CTNND2: variants seen among roughly 807,000 people sequenced by gnomAD.
CTNND2 encodes catenin delta-2.
In CTNND2, 22 loss-of-function variants were observed where a neutral mutation model predicts 144.4. That is an observed-to-expected ratio of 0.15 (90% CI 0.11 to 0.22). The LOEUF is 0.22. CTNND2 is among the 10% of genes least tolerant of loss of function. The probability of loss-of-function intolerance (pLI) is 1.00; values close to 1 mark genes in which losing one functional copy is unlikely to be tolerated. For missense variants in CTNND2, 1,353 were observed against 1,618.8 expected (o/e 0.84, Z 2.82); for synonymous variants, 751 against 695.6 (o/e 1.08, Z -1.25).
At chr5:11,649,047 T>C (rs1032448127) in intron 2 of CTNND2, among the ~76,000 whole-genome samples, 3 of 152,248 alleles carry the variant, frequency 2.0e-5, no homozygotes, top group Admixed American at 2.0e-4. Flanking sequence ...ATTCCTATAG[T>C]AAAATTCTTT....
At chr5:11,639,133 T>A (rs1256436688) in intron 2 of CTNND2, among the ~76,000 whole-genome samples, 1 of 152,092 alleles carries the variant, frequency 6.6e-6, no homozygotes, top group Non-Finnish European at 1.5e-5. Flanking sequence ...ACAATGGGGA[T>A]GAGAAGGTGC....
intron 2 of CTNND2, among the ~76,000 whole-genome samples, chr5:11,676,892 T>C (rs1443268519): frequency 1.3e-5 from 2 of 152,240 alleles, no homozygotes; most frequent in South Asian, 2.1e-4. Context: ...TAAATTAATA[T>C]ATTACCATTC....
chr5:11,536,595 G>A (rs532788083), intron 3 of CTNND2, among the ~76,000 whole-genome samples: 1 of 152,298 alleles, frequency 6.6e-6, no homozygotes, highest in East Asian at 1.9e-4. Context: ...TGGTATTGGA[G>A]ATTATTATTC....
chr5:11,552,057 C>G (rs1423669353), intron 3 of CTNND2, among the ~76,000 whole-genome samples: 1 of 152,184 alleles, frequency 6.6e-6, no homozygotes, highest in Non-Finnish European at 1.5e-5. Context: ...CCTGAGCCAC[C>G]TTGCCCTGCT....
chr5:11,452,860 C>T (rs61760270), intron 3 of CTNND2, among the ~76,000 whole-genome samples: 3 of 152,146 alleles, frequency 2.0e-5, no homozygotes, highest in African/African-American at 7.2e-5. Context: ...CATAGGTTTG[C>T]GATCTATCCT....
intron 2 of CTNND2, among the ~76,000 whole-genome samples, chr5:11,619,299 T>C (rs1276107981): frequency 3.3e-5 from 5 of 152,034 alleles, no homozygotes; most frequent in African/African-American, 1.2e-4. Flanking sequence ...TCCCAGCTAC[T>C]CCGGAGGCTG....
At chr5:11,417,915 A>C (rs1042543141) in intron 3 of CTNND2, among the ~76,000 whole-genome samples, 6 of 152,194 alleles carry the variant, frequency 3.9e-5, no homozygotes, top group African/African-American at 1.4e-4. Flanking sequence ...TAATAGAAAA[A>C]TAAACAAATA....
At position 11,672,400 on chromosome 5, in the gene CTNND2, G is replaced by A. The variant is rs112339078; in HGVS notation, c.174+59736C>T. ...TGCCTGTAGCCACCCCTTCCCCCAGGTGATCCGTCCCAGGGAGATGGGGGT... is the reference window on the plus strand; with the variant it reads ...TGCCTGTAGCCACCCCTTCCCCCAGATGATCCGTCCCAGGGAGATGGGGGT... On this transcript the variant is annotated intron_variant, in intron 2 of 21. Transcript: ENST00000304623. Among the ~76,000 whole-genome samples, 642 of 152,290 alleles carry A rather than the reference G, an allele frequency of 4.2e-3. 6 individuals carry two copies. Among genetic ancestry groups the A allele is most frequent in the African/African-American group, 0.015 (612 of 41,570 alleles).
At chr5:11,324,243 G>A (rs1752318324) in intron 9 of CTNND2, among the ~76,000 whole-genome samples, 1 of 152,122 alleles carries the variant, frequency 6.6e-6, no homozygotes, top group South Asian at 2.1e-4. Context: ...TATATGCCAA[G>A]CAGCAAAACG....
chr5:11,574,659 A>G (rs1470439060), intron 2 of CTNND2, among the ~76,000 whole-genome samples: 1 of 152,208 alleles, frequency 6.6e-6, no homozygotes, highest in African/African-American at 2.4e-5. Flanking sequence ...TCAAGTTCAC[A>G]CTACAACTGA....
chr5:11,265,495 A>G (rs1416466890), intron 9 of CTNND2, among the ~76,000 whole-genome samples: 5 of 152,096 alleles, frequency 3.3e-5, no homozygotes, highest in Non-Finnish European at 5.9e-5. Context: ...CACACTGCAG[A>G]CGGGCCTTTT....
intron 2 of CTNND2, among the ~76,000 whole-genome samples, chr5:11,714,330 A>G (rs1030301397): frequency 5.3e-5 from 8 of 152,134 alleles, no homozygotes; most frequent in African/African-American, 1.9e-4. Flanking sequence ...GACCAGCTCC[A>G]TATTTTTCTT....
intron 6 of CTNND2, among the ~76,000 whole-genome samples, chr5:11,392,775 T>C (rs2149810565): frequency 6.6e-6 from 1 of 152,318 alleles, no homozygotes; most frequent in South Asian, 2.1e-4. Flanking sequence ...CTCTTCTAAA[T>C]GTTGCATAGT....
intron 9 of CTNND2, among the ~76,000 whole-genome samples, chr5:11,265,800 G>A (rs568990281): frequency 6.8e-6 from 1 of 146,178 alleles, no homozygotes; most frequent in African/African-American, 2.5e-5. Flanking sequence ...CCGCCTCCCA[G>A]GTCCCAGTTC....
At chr5:11,079,926 T>C (rs1349233153) in intron 16 of CTNND2, among the ~76,000 whole-genome samples, 1 of 152,194 alleles carries the variant, frequency 6.6e-6, no homozygotes, top group Admixed American at 6.5e-5. Flanking sequence ...AATAATGTTT[T>C]TGGATTTGAC....
At chr5:11,689,052 A>G (rs377414428) in intron 2 of CTNND2, among the ~76,000 whole-genome samples, 1 of 152,308 alleles carries the variant, frequency 6.6e-6, no homozygotes, top group South Asian at 2.1e-4. Context: ...TATTCTCTGT[A>G]CTGCTGTTTT....
At chr5:11,238,541 C>T (rs1741879049) in intron 9 of CTNND2, among the ~76,000 whole-genome samples, 1 of 152,198 alleles carries the variant, frequency 6.6e-6, no homozygotes, top group South Asian at 2.1e-4. Context: ...AACCTTGAAA[C>T]ATGTTGGTGC....
At chr5:11,521,856 T>C (rs1312488034) in intron 3 of CTNND2, among the ~76,000 whole-genome samples, 1 of 152,194 alleles carries the variant, frequency 6.6e-6, no homozygotes, top group African/African-American at 2.4e-5. Flanking sequence ...TTGCATTCTA[T>C]TACAATGACA....
At chr5:11,086,091 G>A (rs1387483789) in intron 15 of CTNND2, among the ~76,000 whole-genome samples, 1 of 152,130 alleles carries the variant, frequency 6.6e-6, no homozygotes, top group South Asian at 2.1e-4. Flanking sequence ...AGCTGAGGAG[G>A]AGAAACGAAG....
Sources: gnomAD v4.1 joint callset for allele counts (sites outside exome capture counted in the v4.1 genomes callset) on GRCh38, gnomAD v4.1.1 for gene constraint, MANE v1.5 for transcripts, NCBI Gene and HGNC (gene_info 2026-07-23, HGNC 2026-07-21) for gene names.